Variants in SLC51A observed in about 807,000 individuals in gnomAD.
SLC51A encodes solute carrier family 51 member A.
A neutral mutation model predicts 34.8 loss-of-function variants in SLC51A; 22 were observed. That is an observed-to-expected ratio of 0.63 (90% CI 0.45 to 0.90). The LOEUF is 0.90. Ranked by LOEUF, SLC51A falls within the 40% of genes least tolerant of loss-of-function variation. SLC51A has a pLI of 0.00. For missense variants in SLC51A, 371 were observed against 414.8 expected, an observed-to-expected ratio of 0.89 and a Z score of 0.92; for synonymous variants, 181 against 176.3, an observed-to-expected ratio of 1.03 and a Z score of -0.21.
At chr3:196,222,633 C>CAA (rs11328698) in intron 2 of SLC51A, among the ~76,000 whole-genome samples, 10 of 133,788 alleles carry the variant, frequency 7.5e-5, no homozygotes, top group African/African-American at 1.6e-4. Context: ...GGCTCCATCT[C>CAA]AAAAAAAAAA....
At chr3:196,230,172 C>G (rs952599865) in intron 7 of SLC51A, 111 bp downstream of exon 7, 39 of 1,024,822 alleles carry the variant, frequency 3.8e-5, no homozygotes, top group Admixed American at 6.6e-5. Context: ...TTTTCATAAG[C>G]CTCACGTCTC....
intron 7 of SLC51A, 147 bp from the exon 8 acceptor site, chr3:196,232,272 T>G: frequency 1.7e-6 from 1 of 585,844 alleles, no homozygotes; most frequent in Non-Finnish European, 3.1e-6. Flanking sequence ...TTTAATGAAG[T>G]GAGAGCCTCA....
chr3:196,227,511 G>T, intron 3 of SLC51A, 153 bp from the exon 4 acceptor site: 1 of 677,948 alleles, frequency 1.5e-6, no homozygotes, highest in East Asian at 2.7e-5. Context: ...TCCTTGGTTT[G>T]CTTGACTTAA....
chr3:196,230,270 C>T (rs151109954), intron 7 of SLC51A, among the ~76,000 whole-genome samples: 97 of 152,210 alleles, frequency 6.4e-4, no homozygotes, highest in African/African-American at 1.9e-3. Flanking sequence ...GACAAAATAC[C>T]ACAAATCAGA....
chr3:196,226,780 A>AAAG (rs1723902116), intron 2 of SLC51A, among the ~76,000 whole-genome samples, 185 bp from the exon 3 acceptor site: 1 of 149,694 alleles, frequency 6.7e-6, no homozygotes, highest in Non-Finnish European at 1.5e-5. Context: ...TCTTAAAAAA[A>AAAG]AAAAAAAAAG....
chr3:196,223,681 A>G (rs1323761543), intron 2 of SLC51A, among the ~76,000 whole-genome samples: 2 of 150,036 alleles, frequency 1.3e-5, no homozygotes, highest in African/African-American at 4.9e-5. Context: ...GACTTTGCCT[A>G]TTGTCTGAGT....
chr3:196,222,424 C>T (rs1560152344), intron 2 of SLC51A, among the ~76,000 whole-genome samples: 1 of 142,332 alleles, frequency 7.0e-6, no homozygotes, highest in Non-Finnish European at 1.6e-5. Context: ...CACTTGAGGT[C>T]AGGAGTTTGA....
At chr3:196,220,529 A>G (rs1183717314) in intron 2 of SLC51A, among the ~76,000 whole-genome samples, 2 of 151,168 alleles carry the variant, frequency 1.3e-5, no homozygotes, top group Non-Finnish European at 3.0e-5. Context: ...CCCGGGAGGC[A>G]GAGGTTGCAG....
rs774650800 is a variant in SLC51A, at chr3:196,230,042, C to G, written c.761C>G (p.Ala254Gly). The G allele has an allele frequency of 1.2e-6, 2 of 1,612,104 alleles. No individual in the cohort carries two copies. Among genetic ancestry groups the G allele is most frequent in the Non-Finnish European group, 1.7e-6 (2 of 1,179,082 alleles). ...CACCTGGGTGAGCAGAACATGGGAGCCAAATTTGCTCTGTTCCAGGTAACT... is the reference window on the plus strand; with the variant it reads ...CACCTGGGTGAGCAGAACATGGGAGGCAAATTTGCTCTGTTCCAGGTAACT... ...RLHLGEQNMG[A>G]KFALFQVLLI... The change falls in exon 7 of 9, where the codon GCC (alanine) becomes GGC (glycine). Residue 254 changes from alanine (A) to glycine (G), a missense_variant. Physicochemically the swap from Ala to Gly is moderately conservative, Grantham distance 60. Transcript: ENST00000296327.
At chr3:196,221,429 G>C (rs751127890) in intron 2 of SLC51A, among the ~76,000 whole-genome samples, 1 of 151,664 alleles carries the variant, frequency 6.6e-6, no homozygotes, top group Non-Finnish European at 1.5e-5. Flanking sequence ...ACCATGCCTG[G>C]GCTAACTTTC....
Position 196,232,593 on chromosome 3 carries a change from C to T in SLC51A, c.886+69C>T, listed in dbSNP as rs779979176. 9 of 1,245,486 alleles carry T rather than the reference C, an allele frequency of 7.2e-6. No homozygotes were observed. In the African/African-American group the frequency reaches 1.3e-4, roughly 18 times the overall value. 77.2% of individuals were successfully genotyped at this position (1,245,486 alleles called of 1,614,324 possible). A position where few individuals can be genotyped will look rare whatever the true frequency, so the allele number is the denominator to read the frequency against. On this transcript the variant is annotated intron_variant, in intron 8 of 8. Transcript: ENST00000296327. ...CGGGGAGAGTCAGGAAAGAAGGGGC[C>T]CCAGAACAGACATTAGGCCAGCCTG...
At chr3:196,229,855 A>AAGAG (rs144375332) in intron 6 of SLC51A, 60 bp from the exon 7 acceptor site, 36 of 1,393,530 alleles carry the variant, frequency 2.6e-5, no homozygotes, top group Admixed American at 1.3e-4. Context: ...CATCTCTTGA[A>AAGAG]AGAGAGAGAG....
Position 196,228,339 on chromosome 3 carries a change from C to G in SLC51A, c.521+66C>G, listed in dbSNP as rs1197250784. 19 of 1,533,496 alleles carry G rather than the reference C, an allele frequency of 1.2e-5. No homozygotes were observed. The highest frequency in any genetic ancestry group is 1.6e-5 in the Non-Finnish European group (18 of 1,145,618). The allele number at this position is 1,533,496 out of a possible 1,614,324, so 95.0% of individuals were successfully genotyped here. A position where few individuals can be genotyped will look rare whatever the true frequency, so the allele number is the denominator to read the frequency against. ...CCTCTCCTGGACCCCTGGTCCCCTT[C>G]AAGGCTCTGGGAATTAGGCGTGAAT... On this transcript the variant is annotated intron_variant, in intron 5 of 8. Transcript: ENST00000296327. The surrounding 1 kb of genome is among the most constrained non-coding windows in gnomAD (Gnocchi z 4.9).
intron 7 of SLC51A, among the ~76,000 whole-genome samples, chr3:196,230,814 T>C (rs570172073): frequency 4.4e-4 from 67 of 152,356 alleles, no homozygotes; most frequent in Middle Eastern, 3.4e-3. Flanking sequence ...ACCAGTCAAA[T>C]TGGATTAAGG....
chr3:196,223,917 T>C (rs1441812219), intron 2 of SLC51A: 1 of 401,500 alleles, frequency 2.5e-6, no homozygotes, highest in South Asian at 1.8e-5. Context: ...TGGAGTGCAG[T>C]GGTGTGATCT....
rs192637818 is a variant in SLC51A at position 196,233,021 on chromosome 3, T to C, written c.887-42T>C. On this transcript the variant is annotated intron_variant, in intron 8 of 8. Coordinates refer to ENST00000296327, the MANE Select transcript of SLC51A (RefSeq NM_152672.6). The stretch of plus-strand genomic sequence containing the variant: ...GGCTGCTAGTAAAATACCACCTCTG[T>C]AACTCAGCATAACCTACGCTGTATT... 7,083 of 1,600,358 alleles carry C rather than the reference T, an allele frequency of 4.4e-3. 42 individuals are homozygous for C. Among genetic ancestry groups the C allele is most frequent in the Middle Eastern group, 0.014 (80 of 5,796 alleles).
intron 2 of SLC51A, among the ~76,000 whole-genome samples, chr3:196,220,031 GA>G (rs1437247737): frequency 6.6e-6 from 1 of 152,258 alleles, no homozygotes; most frequent in Non-Finnish European, 1.5e-5. Flanking sequence ...CTGGGACAGG[GA>G]AGCTGCGAGG....
At chr3:196,218,847 A>AT (rs1317524442) in intron 2 of SLC51A, among the ~76,000 whole-genome samples, 1 of 137,666 alleles carries the variant, frequency 7.3e-6, no homozygotes, top group African/African-American at 2.6e-5. Flanking sequence ...TAAAACAGTA[A>AT]TTAAAAAAAA....
chr3:196,216,607 C>A lies in SLC51A; in HGVS notation c.-106C>A. 8.6e-7 allele frequency: 1 copy of A among 1,164,194 alleles called. No homozygotes were observed. The highest frequency in any genetic ancestry group is 1.3e-5 in the South Asian group (1 of 76,338). 72.1% of individuals were successfully genotyped at this position (1,164,194 alleles called of 1,614,324 possible). On this transcript the variant is annotated 5_prime_UTR_variant, in exon 1 of 9. Transcript: ENST00000296327. This position sits in a 1 kb window ranked among gnomAD's most constrained non-coding sequence, Gnocchi z 4.5. Reference sequence around the variant, plus strand: ...GGAAGACTCTGCAATTCTGCTTGCCCCCCACCCCGGCCCAGGCAAGCCACC... The same window carrying A: ...GGAAGACTCTGCAATTCTGCTTGCCACCCACCCCGGCCCAGGCAAGCCACC...
Sources: gnomAD v4.1 joint callset for allele counts (sites outside exome capture counted in the v4.1 genomes callset) on GRCh38, gnomAD v4.1.1 for gene constraint, Gnocchi (gnomAD v3.1) non-coding constraint, MANE v1.5 for transcripts, NCBI Gene and HGNC (gene_info 2026-07-23, HGNC 2026-07-21) for gene names.